ACKR3: variants seen among roughly 807,000 people sequenced by gnomAD.
The protein encoded by ACKR3 is C-X-C chemokine receptor type 7.
ACKR3 carries 6 observed loss-of-function variants against 22.4 expected under a neutral mutation model. The observed-to-expected ratio is 0.27, with a 90% CI of 0.15 to 0.53. The LOEUF is 0.53. Among genes scored for constraint, ACKR3 ranks in the 20% least tolerant of loss-of-function variants. The pLI is 0.96. For synonymous variants in ACKR3, 209 were observed against 205.2 expected, an observed-to-expected ratio of 1.02 and a Z score of -0.16; for missense variants, 396 against 475.2, an observed-to-expected ratio of 0.83 and a Z score of 1.55.
chr2:236,539,751 T>A, the ACKR3 span, among the ~76,000 whole-genome samples: 1 of 152,222 alleles, frequency 6.6e-6, no homozygotes, highest in Admixed American at 6.5e-5. Context: ...AAGACATTTC[T>A]GAGACTGGGT....
the ACKR3 span, among the ~76,000 whole-genome samples, chr2:236,551,793 C>T: frequency 6.6e-6 from 1 of 152,202 alleles, no homozygotes; most frequent in African/African-American, 2.4e-5. Flanking sequence ...CCTTGATGGG[C>T]TTGGCTCCCT....
upstream of ACKR3, among the ~76,000 whole-genome samples, chr2:236,566,711 T>TTCC (rs1559469749): frequency 9.5e-6 from 1 of 105,106 alleles, no homozygotes; most frequent in African/African-American, 6.2e-5. Context: ...CTTTCCTTCC[T>TTCC]TTCCTTCCCT....
At chr2:236,550,164 G>A in the ACKR3 span, among the ~76,000 whole-genome samples, 37 of 152,346 alleles carry the variant, frequency 2.4e-4, no homozygotes, top group South Asian at 4.3e-3. This position sits in a 1 kb window ranked among gnomAD's most constrained non-coding sequence, Gnocchi z 4.6. Flanking sequence ...CCATGCGAGG[G>A]GCTGGCTCTT....
In ACKR3 at chr2:236,580,648, C is replaced by T. The variant is rs1691502067; in HGVS notation, c.183C>T (p.Ala61=). 1.2e-6 allele frequency: 2 copies of T among 1,614,078 alleles called. No homozygotes were observed. The highest frequency in any genetic ancestry group is 2.2e-5 in the East Asian group (1 of 44,884). ...TCATCTTCGTCATCGGCATGATTGCCAACTCCGTGGTGGTCTGGGTGAATA... is the reference window on the plus strand; with the variant it reads ...TCATCTTCGTCATCGGCATGATTGCTAACTCCGTGGTGGTCTGGGTGAATA... ...YIFIFVIGMI[A]NSVVVWVNIQ... is the part of the protein sequence containing the mutation. The change falls in exon 2 of 2, where the codon GCC becomes GCT. Residue 61 remains alanine, a synonymous_variant. Transcript: ENST00000272928.
the ACKR3 span, among the ~76,000 whole-genome samples, chr2:236,558,402 T>A: frequency 1.3e-5 from 2 of 152,076 alleles, no homozygotes; most frequent in African/African-American, 4.8e-5. Context: ...TGGCTAAGGG[T>A]GATGGGCAGC....
upstream of ACKR3, among the ~76,000 whole-genome samples, chr2:236,568,124 CG>C (rs1691226373): frequency 1.3e-5 from 2 of 152,224 alleles, no homozygotes; most frequent in Admixed American, 1.3e-4. Flanking sequence ...CCGGGGTCCC[CG>C]GCCCATGTGG....
chr2:236,580,936 G>T lies in ACKR3; in HGVS notation c.471G>T (p.Lys157Asn), dbSNP rs1308657245. The change falls in exon 2 of 2, where the codon AAG (lysine) becomes AAT (asparagine). Residue 157 changes from lysine (K) to asparagine (N), a missense_variant. Transcript: ENST00000272928. ...TCACCAACACCCCCAGCAGCAGGAA[G>T]AAGATGGTACGCCGTGTCGTCTGCA... is the stretch of plus-strand genomic sequence containing the variant. Reference protein sequence around the residue: ...TYFTNTPSSRKKMVRRVVCIL... With the variant: ...TYFTNTPSSRNKMVRRVVCIL... The T allele has an allele frequency of 2.5e-6, 4 of 1,614,106 alleles. No individual in the cohort carries two copies. The highest frequency in any genetic ancestry group is 1.1e-5 in the South Asian group (1 of 91,084).
chr2:236,539,896 A>C, the ACKR3 span, among the ~76,000 whole-genome samples: 3 of 152,062 alleles, frequency 2.0e-5, no homozygotes, highest in African/African-American at 7.2e-5. Context: ...GTGCAGGGGA[A>C]CTCCCATTTA....
chr2:236,537,360 G>T, the ACKR3 span, among the ~76,000 whole-genome samples: 6 of 152,192 alleles, frequency 3.9e-5, no homozygotes, highest in Non-Finnish European at 5.9e-5. Context: ...AAGGAGGCTG[G>T]TTTTGCCTAG....
chr2:236,546,299 T>A, the ACKR3 span, among the ~76,000 whole-genome samples: 1 of 152,132 alleles, frequency 6.6e-6, no homozygotes, highest in Non-Finnish European at 1.5e-5. This position sits in a 1 kb window ranked among gnomAD's most constrained non-coding sequence, Gnocchi z 4.9. Flanking sequence ...AAGGACGGCT[T>A]CTCAGGGCCC....
upstream of ACKR3, among the ~76,000 whole-genome samples, chr2:236,566,838 CTCTT>C (rs201570476): frequency 0.014 from 2,032 of 148,632 alleles, 45 homozygotes; most frequent in African/African-American, 0.044. Flanking sequence ...CATCTCTTTC[CTCTT>C]TCTTTCTTTC....
rs773097851 is a variant in ACKR3, at chr2:236,574,380, G to A, written c.-27+4456G>A. On this transcript the variant is annotated intron_variant, in intron 1 of 1. Transcript: ENST00000272928. This position sits in a 1 kb window ranked among gnomAD's most constrained non-coding sequence, Gnocchi z 5.6. ...TTACAGAAGACTTGGTGGGGGGTGC[G>A]GGGCCTGGTAGGAATGAGGTGGAGG... Among the ~76,000 whole-genome samples the A allele has an allele frequency of 6.6e-5, 10 of 152,122 alleles. No individual in the cohort carries two copies. The highest frequency in any genetic ancestry group is 7.2e-5 in the African/African-American group (3 of 41,422).
upstream of ACKR3, among the ~76,000 whole-genome samples, chr2:236,567,095 C>T (rs1181162094): frequency 6.6e-6 from 1 of 152,190 alleles, no homozygotes; most frequent in East Asian, 1.9e-4. Flanking sequence ...ACCTCCGCCT[C>T]CCGGGTTCAA....
the ACKR3 span, among the ~76,000 whole-genome samples, chr2:236,548,649 A>AG: frequency 1.7e-4 from 26 of 152,174 alleles, no homozygotes; most frequent in Non-Finnish European, 3.7e-4. The surrounding 1 kb of genome is among the most constrained non-coding windows in gnomAD (Gnocchi z 4.3). Flanking sequence ...GGACACTGTA[A>AG]ACCTTACGGG....
Position 236,577,501 on chromosome 2 carries a change from G to A in ACKR3, c.-26-2939G>A, listed in dbSNP as rs1294186798. ...GCTGCTGGTAGCTCAAAGCGGGTGAGTGTCTATTTTGTGCTAAGAGTGGAG... is the reference window on the plus strand; with the variant it reads ...GCTGCTGGTAGCTCAAAGCGGGTGAATGTCTATTTTGTGCTAAGAGTGGAG... On this transcript the variant is annotated intron_variant, in intron 1 of 1. Transcript: ENST00000272928. The surrounding 1 kb of genome is among the most constrained non-coding windows in gnomAD (Gnocchi z 5.6). Among the ~76,000 whole-genome samples, 1 of 152,148 alleles carries A rather than the reference G, an allele frequency of 6.6e-6. No individual in the cohort carries two copies. Among genetic ancestry groups the A allele is most frequent in the African/African-American group, 2.4e-5 (1 of 41,432 alleles).
chr2:236,559,514 A>G, the ACKR3 span, among the ~76,000 whole-genome samples: 4 of 152,312 alleles, frequency 2.6e-5, no homozygotes, highest in Non-Finnish European at 5.9e-5. Flanking sequence ...GTATAGCTCT[A>G]CAAACAATAT....
the ACKR3 span, among the ~76,000 whole-genome samples, chr2:236,540,435 A>G: frequency 2.6e-4 from 40 of 151,630 alleles, no homozygotes; most frequent in African/African-American, 8.7e-4. Flanking sequence ...AGCCCTTTGC[A>G]GATATCTTTC....
At chr2:236,538,375 G>C in the ACKR3 span, among the ~76,000 whole-genome samples, 1 of 152,190 alleles carries the variant, frequency 6.6e-6, no homozygotes, top group African/African-American at 2.4e-5. Context: ...CTAAAAACGT[G>C]GTCAAAAGGA....
At position 236,581,632 on chromosome 2, in the gene ACKR3, G is replaced by GC. The variant is rs990479354; in HGVS notation, c.*79dup. 1.2e-5 allele frequency: 19 copies of GC among 1,520,788 alleles called. No individual in the cohort carries two copies. The highest frequency in any genetic ancestry group is 1.6e-5 in the Non-Finnish European group (18 of 1,132,898). 94.2% of individuals were successfully genotyped at this position (1,520,788 alleles called of 1,614,324 possible). ...GGGCCCTATGGTTTTCTAGAGCAAA[G>GC]CAAAGTAGCTTCGGGTCTTGATGCT... is the stretch of plus-strand genomic sequence containing the variant. On this transcript the variant is annotated 3_prime_UTR_variant, in exon 2 of 2. Transcript: ENST00000272928. This position sits in a 1 kb window ranked among gnomAD's most constrained non-coding sequence, Gnocchi z 4.4.
Sources: allele counts gnomAD v4.1 joint callset (sites outside exome capture counted in the v4.1 genomes callset), GRCh38; gene constraint gnomAD v4.1.1; non-coding constraint Gnocchi (gnomAD v3.1); transcripts MANE v1.5; gene names NCBI Gene and HGNC (gene_info 2026-07-23, HGNC 2026-07-21).